Variants in RALYL observed in about 807,000 individuals in gnomAD.
RALYL encodes RNA-binding Raly-like protein.
Under a neutral mutation model 35.1 loss-of-function variants are expected in RALYL, and 29 were observed. The observed-to-expected ratio is 0.83, with a 90% CI of 0.61 to 1.13. The LOEUF (loss-of-function observed/expected upper bound fraction) is 1.13. Ranked by LOEUF, RALYL falls within the 50% of genes most tolerant of loss-of-function variation. The pLI, the probability that RALYL is intolerant of heterozygous loss-of-function variation, is 0.00. For missense variants in RALYL, 359 were observed against 360.4 expected, an observed-to-expected ratio of 1.00 and a Z score of 0.03; for synonymous variants, 120 against 127.6, an observed-to-expected ratio of 0.94 and a Z score of 0.40.
At chr8:84,887,801 A>G in intron 8 of RALYL, 25 bp downstream of exon 8, 1 of 1,598,774 alleles carries the variant, frequency 6.3e-7, no homozygotes, top group Non-Finnish European at 8.5e-7. Context: ...TTTGGTATTC[A>G]CACCCTTTGG....
intron 1 of RALYL, among the ~76,000 whole-genome samples, chr8:84,390,181 T>A (rs371718409): frequency 5.9e-5 from 9 of 152,094 alleles, no homozygotes; most frequent in African/African-American, 1.7e-4. Flanking sequence ...CTTGCATCCC[T>A]GGGATGAAGC....
intron 2 of RALYL, among the ~76,000 whole-genome samples, chr8:84,538,256 G>A (rs1362495144): frequency 6.6e-6 from 1 of 152,166 alleles, no homozygotes; most frequent in Admixed American, 6.5e-5. Context: ...GGTAGAGACT[G>A]TAAATAATTT....
intron 2 of RALYL, among the ~76,000 whole-genome samples, chr8:84,749,229 C>T (rs1212104119): frequency 6.6e-6 from 1 of 152,108 alleles, no homozygotes; most frequent in African/African-American, 2.4e-5. Context: ...GGTTCTCAGC[C>T]TAAACACTGT....
intron 2 of RALYL, among the ~76,000 whole-genome samples, chr8:84,589,397 A>C (rs1410386756): frequency 6.6e-6 from 1 of 152,242 alleles, no homozygotes; most frequent in African/African-American, 2.4e-5. Flanking sequence ...CAGGTAATTA[A>C]CTTTATGTTG....
chr8:84,900,608 G>A (rs760639898), intron 8 of RALYL, among the ~76,000 whole-genome samples: 1 of 152,028 alleles, frequency 6.6e-6, no homozygotes, highest in Non-Finnish European at 1.5e-5. Flanking sequence ...GAACCCGGGA[G>A]GCAGAGGTTG....
intron 8 of RALYL, among the ~76,000 whole-genome samples, chr8:84,895,012 G>A (rs1310066828): frequency 6.6e-6 from 1 of 152,124 alleles, no homozygotes; most frequent in African/African-American, 2.4e-5. Context: ...ATATGTGTCT[G>A]GCTCACAATT....
chr8:84,596,811 A>G (rs1027359867), intron 2 of RALYL, among the ~76,000 whole-genome samples: 1 of 151,850 alleles, frequency 6.6e-6, no homozygotes, highest in Non-Finnish European at 1.5e-5. Context: ...TCTTCCATTG[A>G]TTTTCTTTGA....
intron 5 of RALYL, among the ~76,000 whole-genome samples, chr8:84,854,347 AAAAAG>A (rs1433701739): frequency 1.5e-5 from 2 of 136,574 alleles, no homozygotes; most frequent in Admixed American, 1.6e-4. Context: ...TCCGTCTAAA[AAAAAG>A]AAAAAGAAAA....
chr8:84,306,746 A>G (rs551857786), intron 1 of RALYL, among the ~76,000 whole-genome samples: 3 of 152,346 alleles, frequency 2.0e-5, no homozygotes, highest in Non-Finnish European at 4.4e-5. Flanking sequence ...ATTTGAACAA[A>G]GATGAGGATT....
intron 1 of RALYL, among the ~76,000 whole-genome samples, chr8:84,268,543 T>C (rs1833735180): frequency 1.3e-5 from 2 of 152,226 alleles, no homozygotes; most frequent in Admixed American, 1.3e-4. Flanking sequence ...TTTATTGTAT[T>C]ACTTGGAATT....
intron 1 of RALYL, among the ~76,000 whole-genome samples, chr8:84,281,957 C>T (rs1027333528): frequency 4.6e-5 from 7 of 152,062 alleles, no homozygotes; most frequent in East Asian, 1.9e-4. Context: ...TGATGCTACT[C>T]TTCTATTTGT....
intron 1 of RALYL, among the ~76,000 whole-genome samples, chr8:84,224,735 C>T (rs1363926053): frequency 6.6e-6 from 1 of 151,898 alleles, no homozygotes; most frequent in African/African-American, 2.4e-5. Context: ...CGGCTCACCA[C>T]AACCTCTACC....
chr8:84,589,897 CAT>C (rs1812850274), intron 2 of RALYL, among the ~76,000 whole-genome samples: 1 of 152,198 alleles, frequency 6.6e-6, no homozygotes, highest in Non-Finnish European at 1.5e-5. Flanking sequence ...TCAGTCATCA[CAT>C]TATCTGTACA....
At chr8:84,360,158 C>T (rs932241511) in intron 1 of RALYL, among the ~76,000 whole-genome samples, 1 of 152,172 alleles carries the variant, frequency 6.6e-6, no homozygotes, top group African/African-American at 2.4e-5. Context: ...CAGGCATGAG[C>T]CACCATACCT....
intron 2 of RALYL, among the ~76,000 whole-genome samples, chr8:84,536,687 A>G (rs1467424949): frequency 6.6e-6 from 1 of 152,208 alleles, no homozygotes. Flanking sequence ...TCAGCAATGC[A>G]CCATTATGTA....
chr8:84,531,177 C>A (rs2059254183), intron 2 of RALYL, among the ~76,000 whole-genome samples: 3 of 151,966 alleles, frequency 2.0e-5, no homozygotes. Context: ...GATGAAGAAG[C>A]ATACAAAAGA....
intron 1 of RALYL, among the ~76,000 whole-genome samples, chr8:84,278,650 C>A (rs1835906835): frequency 6.6e-6 from 1 of 152,180 alleles, no homozygotes; most frequent in Non-Finnish European, 1.5e-5. Context: ...GTTCAAAGTT[C>A]CACAAACCTC....
At chr8:84,250,002 G>C (rs1178002200) in intron 1 of RALYL, among the ~76,000 whole-genome samples, 1 of 151,814 alleles carries the variant, frequency 6.6e-6, no homozygotes. Context: ...AAAAATATTG[G>C]TATGGGATTT....
intron 2 of RALYL, among the ~76,000 whole-genome samples, chr8:84,534,661 C>A (rs2059483210): frequency 1.3e-5 from 2 of 151,946 alleles, no homozygotes; most frequent in Non-Finnish European, 2.9e-5. Flanking sequence ...TGGAAAAGAG[C>A]ACCACAGGAA....
Sources: allele counts gnomAD v4.1 joint callset (sites outside exome capture counted in the v4.1 genomes callset), GRCh38; gene constraint gnomAD v4.1.1; transcripts MANE v1.5; gene names NCBI Gene and HGNC (gene_info 2026-07-23, HGNC 2026-07-21).